The following ERBIN variants were observed in gnomAD, a reference collection of about 807,000 sequenced individuals.
ERBIN encodes erbb2 interacting protein, also known as densin-180-like protein.
A neutral mutation model predicts 158.4 loss-of-function variants in ERBIN; 60 were observed. That is an observed-to-expected ratio of 0.38 (90% CI 0.31 to 0.47). ERBIN has a LOEUF of 0.47. ERBIN is among the 20% of genes least tolerant of loss of function. The probability of loss-of-function intolerance (pLI) is 0.99; values close to 1 mark genes in which losing one functional copy is unlikely to be tolerated. For synonymous variants in ERBIN, 594 were observed against 557.2 expected (o/e 1.07, Z -0.93); for missense variants, 1,610 against 1,648.0 (o/e 0.98, Z 0.40).
rs754881985 is a variant in ERBIN at position 66,078,485 on chromosome 5, C to T, written c.4194C>T (p.Phe1398=). ...HGQAVSLLKT[F]QNTVELIIVR... ...AAGCAGTGTCCTTGCTAAAAACTTTCCAGAATACAGTTGAACTCATCATTG... is the reference window on the plus strand; with the variant it reads ...AAGCAGTGTCCTTGCTAAAAACTTTTCAGAATACAGTTGAACTCATCATTG... Residue 1398 remains phenylalanine, a synonymous_variant, in exon 26 of 26, where the codon TTC becomes TTT. Transcript: ENST00000284037. The T allele has an allele frequency of 6.2e-7, 1 of 1,600,646 alleles. No homozygotes were observed. The highest frequency in any genetic ancestry group is 1.1e-5 in the South Asian group (1 of 87,566).
intron 14 of ERBIN, among the ~76,000 whole-genome samples, chr5:66,031,623 G>A (rs1161019278): frequency 1.3e-5 from 2 of 152,152 alleles, no homozygotes; most frequent in Admixed American, 6.5e-5. Flanking sequence ...TTTGAGGCCC[G>A]AGTTTGAGAC....
At chr5:65,995,301 A>C (rs1752302292) in intron 4 of ERBIN, among the ~76,000 whole-genome samples, 1 of 151,772 alleles carries the variant, frequency 6.6e-6, no homozygotes, top group Non-Finnish European at 1.5e-5. Context: ...CCCCATCCCC[A>C]GCCCCTGGTA....
intron 1 of ERBIN, among the ~76,000 whole-genome samples, chr5:65,965,038 C>A (rs984719731): frequency 8.0e-5 from 12 of 150,304 alleles, no homozygotes; most frequent in Admixed American, 4.0e-4. Context: ...TGATCCTCCC[C>A]CCTCAGCCTC....
intron 1 of ERBIN, among the ~76,000 whole-genome samples, chr5:65,948,559 A>G (rs889712105): frequency 1.5e-4 from 23 of 152,106 alleles, no homozygotes; most frequent in Non-Finnish European, 2.9e-5. Context: ...ATGTGAGGGT[A>G]GGCTAATGTA....
intron 15 of ERBIN, among the ~76,000 whole-genome samples, chr5:66,042,198 C>A (rs1179932396): frequency 6.6e-6 from 1 of 151,978 alleles, no homozygotes; most frequent in Non-Finnish European, 1.5e-5. Context: ...TACTTGTAAT[C>A]TCTCTGTTTT....
intron 21 of ERBIN, among the ~76,000 whole-genome samples, chr5:66,071,290 G>A (rs910498365): frequency 6.6e-6 from 1 of 152,110 alleles, no homozygotes; most frequent in African/African-American, 2.4e-5. Context: ...GATTGCTTGA[G>A]TCCAGGAAGT....
In ERBIN at chr5:65,955,060, C is replaced by T. The variant is rs528262383; in HGVS notation, c.-58+28254C>T. ...CAGCCTGGGTAGCAGAGCGAGATTC[C>T]GTCTTATAAAAACAAAACAAGAAAA... On this transcript the variant is annotated intron_variant, in intron 1 of 25. Coordinates refer to ENST00000284037, the MANE Select transcript of ERBIN (RefSeq NM_001253697.2). 9.2e-5 allele frequency among the ~76,000 whole-genome samples: 14 copies of T among 151,780 alleles called. No individual in the cohort carries two copies. The South Asian group carries it at 1.5e-3, about 16-fold the overall frequency.
In ERBIN at chr5:66,076,336, G is replaced by C. The variant is rs1761979537; in HGVS notation, c.3984G>C (p.Lys1328Asn). 2 of 1,613,292 alleles carry C rather than the reference G, an allele frequency of 1.2e-6. No homozygotes were observed. The highest frequency in any genetic ancestry group is 1.7e-6 in the Non-Finnish European group (2 of 1,179,776). Residue 1328 changes from lysine (K) to asparagine (N), a missense_variant, in exon 24 of 26, where the codon AAG becomes AAC. Lys to Asn is a moderately conservative substitution (Grantham distance 94). This residue lies in a region of ERBIN where 1,014 missense variants were observed against 936.1 expected (regional missense o/e 1.08). Transcript: ENST00000284037. ...AKQEIRVRVE[K>N]DPELGFSISG... ...CTCAGATTCGAGTGAGGGTTGAAAA[G>C]GATCCAGAACTTGGATTTAGCATAT...
At chr5:66,007,885 G>A (rs1442895126) in intron 4 of ERBIN, among the ~76,000 whole-genome samples, 3 of 152,176 alleles carry the variant, frequency 2.0e-5, no homozygotes, top group Non-Finnish European at 4.4e-5. Flanking sequence ...GGTGGGAACT[G>A]GAGATACAGA....
chr5:66,069,152 A>G, intron 21 of ERBIN: 1 of 767,246 alleles, frequency 1.3e-6, no homozygotes, highest in Non-Finnish European at 1.9e-6. Context: ...GAGTTCTTCC[A>G]TGGCTTAGTT....
chr5:66,072,198 T>A lies in ERBIN; in HGVS notation c.3663T>A (p.Asp1221Glu). ...KKHPQTSSSG[D>E]PCQDGIFISG... ...ATCCCCAGACATCCAGTTCAGGAGA[T>A]CCTTGTCAAGATGGTATATTCATTT... Residue 1221 changes from aspartate to glutamate, a missense_variant, in exon 22 of 26, where the codon GAT becomes GAA. Transcript: ENST00000284037. 2 of 1,550,418 alleles carry A rather than the reference T, an allele frequency of 1.3e-6. No individual in the cohort carries two copies. Among genetic ancestry groups the A allele is most frequent in the Non-Finnish European group, 1.7e-6 (2 of 1,146,850 alleles).
At position 66,054,612 on chromosome 5, in the gene ERBIN, G is replaced by A; in HGVS notation, c.3294G>A (p.Gln1098=). ...ATCCAGGCTCTACAAGGCGGGCTCA[G>A]ATTCCTGAAGGAGATTATTTATCAT... ...LGDPGSTRRA[Q]IPEGDYLSYR... is the part of the protein sequence containing the mutation. The change falls in exon 21 of 26, where the codon CAG becomes CAA. Residue 1098 remains glutamine, a synonymous_variant. Transcript: ENST00000284037. The A allele has an allele frequency of 6.2e-7, 1 of 1,614,146 alleles. No individual in the cohort carries two copies. Among genetic ancestry groups the A allele is most frequent in the Non-Finnish European group, 8.5e-7 (1 of 1,180,014 alleles).
chr5:66,003,452 G>GT (rs1753211728), intron 4 of ERBIN, among the ~76,000 whole-genome samples: 1 of 152,154 alleles, frequency 6.6e-6, no homozygotes, highest in Non-Finnish European at 1.5e-5. Context: ...AAGAAGTGGG[G>GT]TAATTCTATG....
chr5:66,049,982 C>G (rs981351337), intron 19 of ERBIN, among the ~76,000 whole-genome samples: 4 of 151,856 alleles, frequency 2.6e-5, no homozygotes, highest in Non-Finnish European at 5.9e-5. Flanking sequence ...TTTGAAAATT[C>G]CTTGATTTGT....
chr5:65,994,461 T>TTTAGTAGCCAC, intron 3 of ERBIN, among the ~76,000 whole-genome samples: 1 of 152,162 alleles, frequency 6.6e-6, no homozygotes, highest in East Asian at 1.9e-4. Flanking sequence ...GTTTATCACA[T>TTTAGTAGCCAC]TTAGTAGCCA....
At chr5:65,965,114 A>C (rs1237482496) in intron 1 of ERBIN, among the ~76,000 whole-genome samples, 1 of 151,682 alleles carries the variant, frequency 6.6e-6, no homozygotes, top group Non-Finnish European at 1.5e-5. Context: ...AAAAACTTAA[A>C]TTAGATATTA....
chr5:65,947,826 A>T (rs980701279), intron 1 of ERBIN, among the ~76,000 whole-genome samples: 3 of 152,112 alleles, frequency 2.0e-5, no homozygotes, highest in African/African-American at 7.2e-5. Flanking sequence ...GGCCAACATG[A>T]CAAAACCCCA....
At chr5:65,939,512 CTCCCTCTCCCTT>C (rs879556632) in intron 1 of ERBIN, among the ~76,000 whole-genome samples, 136 of 140,776 alleles carry the variant, frequency 9.7e-4, no homozygotes, top group Non-Finnish European at 1.5e-3. Context: ...CGCTCTCCCT[CTCCCTCTCCCTT>C]TCCCTCTCCC....
intron 1 of ERBIN, among the ~76,000 whole-genome samples, chr5:65,975,197 A>G (rs1749718182): frequency 6.6e-6 from 1 of 152,078 alleles, no homozygotes; most frequent in Non-Finnish European, 1.5e-5. Context: ...TGGTAGAGAC[A>G]GGATTTCACT....
Sources: allele counts gnomAD v4.1 joint callset (sites outside exome capture counted in the v4.1 genomes callset), GRCh38; gene constraint gnomAD v4.1.1; regional missense constraint gnomAD v4.1.1; transcripts MANE v1.5; gene names NCBI Gene and HGNC (gene_info 2026-07-23, HGNC 2026-07-21).